AMY2B: variants seen among roughly 807,000 people sequenced by gnomAD.
AMY2B encodes amylase alpha 2B, also known as alpha-amylase 2B.
A neutral mutation model predicts 59.3 loss-of-function variants in AMY2B; 63 were observed. That is an observed-to-expected ratio of 1.06 (90% CI 0.87 to 1.31). The LOEUF (loss-of-function observed/expected upper bound fraction) is 1.31. AMY2B is among the 50% of genes most tolerant of loss of function. The pLI is 0.00. For missense variants in AMY2B, 635 were observed against 626.7 expected (o/e 1.01, Z -0.14); for synonymous variants, 180 against 198.1 (o/e 0.91, Z 0.77).
chr1:103,576,957 C>T (rs1652379442), intron 7 of AMY2B, among the ~76,000 whole-genome samples: 1 of 152,174 alleles, frequency 6.6e-6, no homozygotes, highest in African/African-American at 2.4e-5. Flanking sequence ...CCTTGCAGGC[C>T]AGGTGCTGTG....
chr1:103,578,788 GA>G (rs1347032077), intron 9 of AMY2B, among the ~76,000 whole-genome samples: 1 of 139,960 alleles, frequency 7.1e-6, no homozygotes, highest in African/African-American at 2.6e-5. Flanking sequence ...ACCTTATGGG[GA>G]AAAAAGGAGA....
At chr1:103,572,979 T>C in intron 2 of AMY2B, 84 bp from the exon 3 acceptor site, 1 of 1,606,086 alleles carries the variant, frequency 6.2e-7, no homozygotes, top group East Asian at 2.2e-5. Flanking sequence ...GGAGTTTTAT[T>C]AACATACTAT....
intron 7 of AMY2B, among the ~76,000 whole-genome samples, chr1:103,576,568 G>C (rs556596546): frequency 2.6e-5 from 4 of 151,848 alleles, no homozygotes; most frequent in Non-Finnish European, 5.9e-5. Flanking sequence ...AAACTTCCTA[G>C]GGTTACTCTG....
At chr1:103,570,287 A>T, upstream of AMY2B, 2 of 578,574 alleles carry the variant, frequency 3.5e-6, no homozygotes, top group Non-Finnish European at 6.8e-6. Context: ...CCTGATGGCC[A>T]TGTCATCACC....
intron 7 of AMY2B, chr1:103,577,289 A>T: frequency 9.4e-7 from 1 of 1,058,494 alleles, no homozygotes; most frequent in Non-Finnish European, 1.4e-6. Context: ...CTTTGTTTGA[A>T]ATATGGCAAA....
At chr1:103,559,450 T>C (rs1462498510) in intron 1 of AMY2B, among the ~76,000 whole-genome samples, 1 of 152,156 alleles carries the variant, frequency 6.6e-6, no homozygotes, top group African/African-American at 2.4e-5. Flanking sequence ...CATTAAGCAA[T>C]GCATGACTGT....
intron 5 of AMY2B, among the ~76,000 whole-genome samples, 163 bp downstream of exon 5, chr1:103,574,556 G>A (rs1444812452): frequency 6.6e-6 from 1 of 152,008 alleles, no homozygotes; most frequent in Non-Finnish European, 1.5e-5. Flanking sequence ...ATCATCTTTT[G>A]TATTTAGAGT....
Position 103,577,857 on chromosome 1 carries a change from T to C in AMY2B, c.1346+12T>C. 1 of 1,599,970 alleles carries C rather than the reference T, an allele frequency of 6.3e-7. No individual in the cohort carries two copies. Among genetic ancestry groups the C allele is most frequent in the African/African-American group, 1.3e-5 (1 of 74,924 alleles). On this transcript the variant is annotated intron_variant, in intron 9 of 9. Transcript: ENST00000684275. ...AACAATGATGACTGGTAAGTACATATCAATTAAAAATAATATTTTGTACCT... is the reference window on the plus strand; with the variant it reads ...AACAATGATGACTGGTAAGTACATACCAATTAAAAATAATATTTTGTACCT...
Position 103,575,577 on chromosome 1 carries a change from AG to A in AMY2B, c.1101+38del, listed in dbSNP as rs781684313. 3.7e-6 allele frequency: 6 copies of A among 1,609,018 alleles called. No individual in the cohort carries two copies. The Admixed American group carries it at 6.8e-5, about 18-fold the overall frequency. On this transcript the variant is annotated intron_variant, in intron 7 of 9. Coordinates refer to ENST00000684275, the MANE Select transcript of AMY2B (RefSeq NM_001387437.1). ...AATTGTTCAAACTATCCTTTTCTCA[AG>A]AAACAGAAGGCAATCTTGTTCTAAC...
chr1:103,567,625 C>G (rs1292125806), upstream of AMY2B, among the ~76,000 whole-genome samples: 2 of 152,330 alleles, frequency 1.3e-5, no homozygotes, highest in East Asian at 3.9e-4. Context: ...CCCCTTTCCA[C>G]TCTTATCCTC....
intron 1 of AMY2B, among the ~76,000 whole-genome samples, chr1:103,564,323 G>A (rs1651834022): frequency 1.3e-5 from 2 of 152,164 alleles, no homozygotes; most frequent in Admixed American, 6.6e-5. Context: ...CAAGCATGAA[G>A]TTCAAATGGT....
chr1:103,575,165 T>G, intron 5 of AMY2B, 58 bp from the exon 6 acceptor site: 3 of 1,609,074 alleles, frequency 1.9e-6, no homozygotes, highest in Non-Finnish European at 2.5e-6. Context: ...CACAGTTAAG[T>G]TACTCGCAAA....
chr1:103,558,015 C>A (rs1651615254), intron 1 of AMY2B, among the ~76,000 whole-genome samples: 2 of 152,040 alleles, frequency 1.3e-5, no homozygotes, highest in Non-Finnish European at 2.9e-5. Context: ...AATGAAAATT[C>A]TTTTATTTTT....
In AMY2B at chr1:103,573,993, G is replaced by A; in HGVS notation, c.744+55G>A. 5.6e-6 allele frequency: 9 copies of A among 1,612,166 alleles called. No individual in the cohort carries two copies. In the South Asian group the frequency reaches 7.7e-5, roughly 14 times the overall value. ...ATCATCTTATTCATTAGAAAATAATGGCAGATTTAATTAAAAATGCAATTT... is the reference window on the plus strand; with the variant it reads ...ATCATCTTATTCATTAGAAAATAATAGCAGATTTAATTAAAAATGCAATTT... On this transcript the variant is annotated intron_variant, in intron 4 of 9. Coordinates refer to ENST00000684275, the MANE Select transcript of AMY2B (RefSeq NM_001387437.1).
upstream of AMY2B, chr1:103,571,072 G>A (rs1652111494): frequency 1.5e-6 from 1 of 684,212 alleles, no homozygotes; most frequent in African/African-American, 2.0e-5. Flanking sequence ...GGCTGGTAAG[G>A]GCTCCTTAAC....
chr1:103,578,405 G>A (rs917838356), intron 9 of AMY2B, among the ~76,000 whole-genome samples: 9 of 151,972 alleles, frequency 5.9e-5, no homozygotes, highest in Non-Finnish European at 7.4e-5. Flanking sequence ...TTTTAGTTCC[G>A]AAACTTCTCA....
chr1:103,571,130 A>G (rs1652114852), upstream of AMY2B: 5 of 969,896 alleles, frequency 5.2e-6, no homozygotes, highest in Non-Finnish European at 5.1e-6. Flanking sequence ...AGTCCAAGCC[A>G]TAGGACCCAG....
chr1:103,571,693 C>T lies in AMY2B; in HGVS notation c.91C>T (p.Leu31=), dbSNP rs12128421. 6.9e-3 allele frequency: 11,140 copies of T among 1,611,906 alleles called. 62 individuals are homozygous for T. Among genetic ancestry groups the T allele is most frequent in the Non-Finnish European group, 8.7e-3 (10,228 of 1,179,816 alleles). The change falls in exon 1 of 10, where the codon CTG becomes TTG. Residue 31 remains leucine, a synonymous_variant. Coordinates refer to ENST00000684275, the MANE Select transcript of AMY2B (RefSeq NM_001387437.1). The part of the protein sequence containing the change: ...TQQGRTSIVH[L]FEWRWVDIAL... ...ACAAGGACGGACATCTATTGTTCATCTGTTTGAATGGCGATGGGTTGATAT... is the reference window on the plus strand; with the variant it reads ...ACAAGGACGGACATCTATTGTTCATTTGTTTGAATGGCGATGGGTTGATAT...
In AMY2B at chr1:103,575,324, T is replaced by G. The variant is rs1652307549; in HGVS notation, c.980T>G (p.Ile327Ser). Residue 327 changes from isoleucine to serine, a missense_variant, in exon 6 of 10, where the codon ATT becomes AGT. Physicochemically the swap from Ile to Ser is moderately radical, Grantham distance 142. Coordinates refer to ENST00000684275, the MANE Select transcript of AMY2B (RefSeq NM_001387437.1). ...GGACATGGGGCTGGAGGAGCCTCTA[T>G]TCTTACCTTCTGGGATGCTAGGTAG... is the stretch of plus-strand genomic sequence containing the variant. ...QRGHGAGGASILTFWDARLYK... is the reference protein window; with the variant it reads ...QRGHGAGGASSLTFWDARLYK... The G allele has an allele frequency of 6.2e-7, 1 of 1,613,560 alleles. No individual in the cohort carries two copies. Among genetic ancestry groups the G allele is most frequent in the Admixed American group, 1.7e-5 (1 of 59,966 alleles).
Sources: allele counts gnomAD v4.1 joint callset (sites outside exome capture counted in the v4.1 genomes callset), GRCh38; gene constraint gnomAD v4.1.1; transcripts MANE v1.5; gene names NCBI Gene and HGNC (gene_info 2026-07-23, HGNC 2026-07-21).